The following ZBTB7C variants were observed in gnomAD, a reference collection of about 807,000 sequenced individuals.
The protein encoded by ZBTB7C is zinc finger and BTB domain-containing protein 7C.
ZBTB7C carries 8 observed loss-of-function variants against 25.7 expected under a neutral mutation model. That is an observed-to-expected ratio of 0.31 (90% CI 0.18 to 0.56). ZBTB7C has a LOEUF of 0.56. Among genes scored for constraint, ZBTB7C ranks in the 20% least tolerant of loss-of-function variants. The pLI, the probability that ZBTB7C is intolerant of heterozygous loss-of-function variation, is 0.91. For missense variants in ZBTB7C, 824 were observed against 855.2 expected (o/e 0.96, Z 0.46); for synonymous variants, 394 against 369.0 (o/e 1.07, Z -0.78).
At position 48,354,236 on chromosome 18, in the gene ZBTB7C, G is replaced by A. The variant is rs539022629; in HGVS notation, c.-303-15838C>T. On this transcript the variant is annotated intron_variant, in intron 1 of 4. Coordinates refer to ENST00000590800, the MANE Select transcript of ZBTB7C (RefSeq NM_001318841.2). Reference sequence around the variant, plus strand: ...GATGGGGTCTCACTATGTTGCCCAGGCTGGCCTCAAACTCCTGGGCTCAAG... The same window carrying A: ...GATGGGGTCTCACTATGTTGCCCAGACTGGCCTCAAACTCCTGGGCTCAAG... Among the ~76,000 whole-genome samples, 3 of 152,166 alleles carry A rather than the reference G, an allele frequency of 2.0e-5. No homozygotes were observed. In the South Asian group the frequency reaches 6.2e-4, roughly 32 times the overall value.
In ZBTB7C at chr18:48,039,143, A is replaced by C. The variant is rs538094407; in HGVS notation, c.1208+757T>G. On this transcript the variant is annotated intron_variant, in intron 4 of 4. Transcript: ENST00000590800. ...AAAGGTTTATAATGTATTGATTTCA[A>C]ATTTCAAATTTTATAACAGCATAAA... Among the ~76,000 whole-genome samples, 16 of 152,350 alleles carry C rather than the reference A, an allele frequency of 1.1e-4. No homozygotes were observed. The East Asian group carries it at 3.1e-3, about 29-fold the overall frequency.
intron 2 of ZBTB7C, among the ~76,000 whole-genome samples, chr18:48,245,088 G>GTTTATATATATATATATA (rs1384990097): frequency 2.3e-5 from 1 of 43,632 alleles, no homozygotes. Flanking sequence ...TAGTGTGTGT[G>GTTTATATATATATATATA]TGTGTATATA....
chr18:48,197,591 T>C lies in ZBTB7C; in HGVS notation c.-78-11596A>G, dbSNP rs558131011. ...CTTTAACATCAGAAATCTGTCATAGTTCTGGAGGTTGGGAGAGTTCAAGGT... is the reference window on the plus strand; with the variant it reads ...CTTTAACATCAGAAATCTGTCATAGCTCTGGAGGTTGGGAGAGTTCAAGGT... On this transcript the variant is annotated intron_variant, in intron 2 of 4. Coordinates refer to ENST00000590800, the MANE Select transcript of ZBTB7C (RefSeq NM_001318841.2). Among the ~76,000 whole-genome samples the C allele has an allele frequency of 2.0e-5, 3 of 152,330 alleles. No individual in the cohort carries two copies. The East Asian group carries it at 5.8e-4, about 29-fold the overall frequency.
At chr18:48,156,820 C>G (rs1375345460) in intron 3 of ZBTB7C, among the ~76,000 whole-genome samples, 1 of 148,250 alleles carries the variant, frequency 6.7e-6, no homozygotes, top group South Asian at 2.2e-4. Context: ...CCCCTTAGAA[C>G]ACTTTTTTTT....
At chr18:48,051,109 C>A (rs2036669935) in intron 3 of ZBTB7C, among the ~76,000 whole-genome samples, 1 of 152,020 alleles carries the variant, frequency 6.6e-6, no homozygotes, top group Non-Finnish European at 1.5e-5. Context: ...ATCATCGCCA[C>A]CTCTTCAACC....
intron 2 of ZBTB7C, among the ~76,000 whole-genome samples, chr18:48,199,875 G>A (rs912940230): frequency 2.1e-4 from 32 of 152,182 alleles, no homozygotes; most frequent in African/African-American, 7.2e-4. Context: ...CACTGCTTAC[G>A]GCTGAGGGAA....
intron 3 of ZBTB7C, among the ~76,000 whole-genome samples, chr18:48,095,374 G>A (rs985302056): frequency 2.6e-5 from 4 of 152,260 alleles, no homozygotes; most frequent in Non-Finnish European, 5.9e-5. Context: ...TGAGAGGAGA[G>A]CCCTGGAGCA....
chr18:48,253,281 A>T (rs2043923343), intron 2 of ZBTB7C, among the ~76,000 whole-genome samples: 1 of 152,226 alleles, frequency 6.6e-6, no homozygotes, highest in Non-Finnish European at 1.5e-5. Flanking sequence ...AAATACCTTT[A>T]AAAATACTTA....
At chr18:48,137,839 C>T (rs2040223482) in intron 3 of ZBTB7C, among the ~76,000 whole-genome samples, 1 of 152,210 alleles carries the variant, frequency 6.6e-6, no homozygotes, top group Non-Finnish European at 1.5e-5. Context: ...GTGGGCCAGC[C>T]ACCAATCACA....
chr18:48,088,464 C>G (rs1321139901), intron 3 of ZBTB7C: 1 of 152,058 alleles, frequency 6.6e-6, no homozygotes, highest in Non-Finnish European at 1.5e-5. Context: ...AACAAAGGAA[C>G]AAAAAAATGA....
chr18:48,050,268 A>G (rs549525712), intron 3 of ZBTB7C, among the ~76,000 whole-genome samples: 1 of 152,232 alleles, frequency 6.6e-6, no homozygotes, highest in South Asian at 2.1e-4. Context: ...CAGTTTCCCC[A>G]AGCAAGGTGG....
At chr18:48,337,241 G>A (rs1365310358) in intron 2 of ZBTB7C, among the ~76,000 whole-genome samples, 1 of 152,168 alleles carries the variant, frequency 6.6e-6, no homozygotes, top group Non-Finnish European at 1.5e-5. Context: ...CCAGGCCACT[G>A]GCCCTTCTCC....
At chr18:48,112,410 G>C (rs1020527235) in intron 3 of ZBTB7C, among the ~76,000 whole-genome samples, 13 of 151,036 alleles carry the variant, frequency 8.6e-5, no homozygotes, top group Admixed American at 7.9e-4. Flanking sequence ...ACAGTGGTGC[G>C]ATCTCAGCTC....
chr18:48,318,327 C>T (rs2046001688), intron 2 of ZBTB7C, among the ~76,000 whole-genome samples: 1 of 152,134 alleles, frequency 6.6e-6, no homozygotes, highest in African/African-American at 2.4e-5. Flanking sequence ...CCTCACAAGT[C>T]CTCCCCTGCC....
At chr18:48,099,748 G>A (rs1161637984) in intron 3 of ZBTB7C, among the ~76,000 whole-genome samples, 2 of 152,194 alleles carry the variant, frequency 1.3e-5, no homozygotes, top group Non-Finnish European at 2.9e-5. Context: ...AAGGAGGTGG[G>A]TTATCACCCA....
chr18:48,227,051 GAAA>G (rs368223658), intron 2 of ZBTB7C, among the ~76,000 whole-genome samples: 1 of 140,166 alleles, frequency 7.1e-6, no homozygotes, highest in African/African-American at 2.6e-5. Context: ...AAAAGAAAAA[GAAA>G]AAAAAAAGAG....
chr18:48,230,601 A>T (rs2043224566), intron 2 of ZBTB7C, among the ~76,000 whole-genome samples: 1 of 152,192 alleles, frequency 6.6e-6, no homozygotes, highest in Non-Finnish European at 1.5e-5. Flanking sequence ...GGAATTGAAC[A>T]TGCTGGAAGG....
intron 3 of ZBTB7C, chr18:48,137,133 T>C (rs2040196099): frequency 1.0e-6 from 1 of 985,356 alleles, no homozygotes; most frequent in African/African-American, 1.7e-5. Flanking sequence ...GAGGTTGTCA[T>C]TGATTCGTGC....
chr18:48,115,138 T>C (rs1402037772), intron 3 of ZBTB7C, among the ~76,000 whole-genome samples: 4 of 152,256 alleles, frequency 2.6e-5, no homozygotes, highest in Non-Finnish European at 4.4e-5. Flanking sequence ...AATTTGCTTA[T>C]TGTAGATATT....
Sources: gnomAD v4.1 joint callset for allele counts (sites outside exome capture counted in the v4.1 genomes callset) on GRCh38, gnomAD v4.1.1 for gene constraint, MANE v1.5 for transcripts, NCBI Gene and HGNC (gene_info 2026-07-23, HGNC 2026-07-21) for gene names.